The following PATJ variants were observed in gnomAD, a reference collection of about 807,000 sequenced individuals.
The protein encoded by PATJ is PATJ crumbs cell polarity complex component.
A neutral mutation model predicts 224.9 loss-of-function variants in PATJ; 190 were observed. The ratio of observed to expected loss-of-function variants is 0.84; its 90% CI spans 0.75 to 0.95. PATJ has a LOEUF of 0.95. Ranked by LOEUF, PATJ falls within the 40% of genes least tolerant of loss-of-function variation. PATJ has a pLI of 0.00. For missense variants in PATJ, 2,121 were observed against 2,270.3 expected, an observed-to-expected ratio of 0.93 and a Z score of 1.34; for synonymous variants, 769 against 820.3, an observed-to-expected ratio of 0.94 and a Z score of 1.07.
At chr1:61,796,177 A>C (rs1228403946) in intron 10 of PATJ, among the ~76,000 whole-genome samples, 1 of 152,202 alleles carries the variant, frequency 6.6e-6, no homozygotes, top group Non-Finnish European at 1.5e-5. Context: ...CTAAGAAAGC[A>C]CATTTCATGA....
intron 28 of PATJ, among the ~76,000 whole-genome samples, chr1:62,003,711 T>A (rs533327412): frequency 1.3e-5 from 2 of 152,216 alleles, no homozygotes; most frequent in African/African-American, 4.8e-5. Context: ...GAAATTGTGT[T>A]TCACCTGAGT....
chr1:62,031,883 G>A (rs1649375477), intron 29 of PATJ, among the ~76,000 whole-genome samples: 1 of 152,120 alleles, frequency 6.6e-6, no homozygotes, highest in Admixed American at 6.5e-5. Flanking sequence ...TGTATGTAAA[G>A]GATTTTGAAC....
intron 14 of PATJ, among the ~76,000 whole-genome samples, chr1:61,816,124 A>G (rs765931062): frequency 2.0e-5 from 3 of 152,168 alleles, no homozygotes; most frequent in Non-Finnish European, 4.4e-5. Flanking sequence ...TGACCTGGAG[A>G]ACATTAAAAT....
intron 31 of PATJ, among the ~76,000 whole-genome samples, chr1:62,053,597 T>A (rs2148602243): frequency 6.6e-6 from 1 of 152,240 alleles, no homozygotes; most frequent in African/African-American, 2.4e-5. Flanking sequence ...CGCATGCCTG[T>A]AATCCCAGCT....
chr1:62,096,677 G>A (rs556073463), intron 33 of PATJ, among the ~76,000 whole-genome samples: 81 of 152,130 alleles, frequency 5.3e-4, no homozygotes, highest in Admixed American at 2.9e-3. Flanking sequence ...GTGCAATGGC[G>A]CGATCTCAGC....
intron 42 of PATJ, among the ~76,000 whole-genome samples, chr1:62,150,825 G>C (rs1668554712): frequency 6.8e-6 from 1 of 147,270 alleles, no homozygotes; most frequent in Non-Finnish European, 1.5e-5. Context: ...ATAAAAAAAT[G>C]TAAAGACAAA....
intron 27 of PATJ, among the ~76,000 whole-genome samples, chr1:61,954,752 AT>A (rs373997284): frequency 8.9e-6 from 1 of 112,310 alleles, no homozygotes; most frequent in Non-Finnish European, 1.8e-5. Context: ...GCCAAACTCT[AT>A]TGTTTTTTTT....
chr1:61,952,472 T>C, intron 27 of PATJ: 1 of 716,510 alleles, frequency 1.4e-6, no homozygotes, highest in Non-Finnish European at 2.6e-6. Flanking sequence ...GATGCTGTTT[T>C]AGTGTTGGTG....
intron 32 of PATJ, among the ~76,000 whole-genome samples, chr1:62,083,701 T>A (rs1266495103): frequency 6.6e-6 from 1 of 152,190 alleles, no homozygotes; most frequent in Non-Finnish European, 1.5e-5. Flanking sequence ...TGTAATATAT[T>A]TGGGGATAAA....
intron 31 of PATJ, among the ~76,000 whole-genome samples, chr1:62,069,139 C>T (rs1275383829): frequency 6.6e-6 from 1 of 152,162 alleles, no homozygotes; most frequent in African/African-American, 2.4e-5. Context: ...GATATTGGAT[C>T]TAAAAACGGA....
At chr1:61,828,258 A>AAG (rs1658647868) in intron 16 of PATJ, among the ~76,000 whole-genome samples, 2 of 151,642 alleles carry the variant, frequency 1.3e-5, no homozygotes, top group Admixed American at 6.6e-5. Context: ...AAAAAAAAAA[A>AAG]GAAACTCTAT....
chr1:61,791,855 A>T (rs1009515995), intron 9 of PATJ, among the ~76,000 whole-genome samples: 1 of 152,208 alleles, frequency 6.6e-6, no homozygotes, highest in African/African-American at 2.4e-5. Context: ...AAGTTAAAAC[A>T]AGCATTTTCA....
chr1:61,883,182 T>C (rs1157897405), intron 21 of PATJ, among the ~76,000 whole-genome samples: 1 of 152,214 alleles, frequency 6.6e-6, no homozygotes. Flanking sequence ...AATTGTATAA[T>C]ATGCTACCGA....
chr1:62,015,840 G>T (rs137987338), intron 28 of PATJ, among the ~76,000 whole-genome samples: 2,675 of 152,196 alleles, frequency 0.018, 84 homozygotes, highest in Admixed American at 0.078. Context: ...GCTAACTTTT[G>T]TATTTTTTAG....
chr1:62,061,219 T>C lies in PATJ; in HGVS notation c.4125+10161T>C, dbSNP rs139428052. Reference sequence around the variant, plus strand: ...TTATTAAGATTGAGTTTCACTCTTGTCACCCAGGCTGGAGTACAGTAGTGC... The same window carrying C: ...TTATTAAGATTGAGTTTCACTCTTGCCACCCAGGCTGGAGTACAGTAGTGC... On this transcript the variant is annotated intron_variant, in intron 31 of 43. Coordinates refer to ENST00000642238, the MANE Select transcript of PATJ (RefSeq NM_001350145.3). Among the ~76,000 whole-genome samples the C allele has an allele frequency of 3.9e-5, 6 of 152,232 alleles. No homozygotes were observed. In the East Asian group the frequency reaches 1.2e-3, roughly 29 times the overall value.
intron 29 of PATJ, among the ~76,000 whole-genome samples, chr1:62,020,148 C>A (rs774601678): frequency 6.6e-6 from 1 of 151,486 alleles, no homozygotes; most frequent in Admixed American, 6.6e-5. Flanking sequence ...TCAGCTTGGG[C>A]GACAGCAAGA....
At chr1:61,914,443 C>T (rs61770464) in intron 25 of PATJ, 144 bp from the exon 26 acceptor site, 6,268 of 437,382 alleles carry the variant, frequency 0.014, 70 homozygotes, top group Non-Finnish European at 0.02. Context: ...GTGACAAGAG[C>T]GAATCTCCAT....
At chr1:62,007,084 A>G (rs1346926713) in intron 28 of PATJ, among the ~76,000 whole-genome samples, 2 of 152,228 alleles carry the variant, frequency 1.3e-5, no homozygotes, top group Admixed American at 6.5e-5. Context: ...TATGTGGTCC[A>G]TCCTTGACTG....
At chr1:61,767,881 T>G (rs1646376522) in intron 4 of PATJ, among the ~76,000 whole-genome samples, 1 of 151,736 alleles carries the variant, frequency 6.6e-6, no homozygotes, top group African/African-American at 2.4e-5. Flanking sequence ...TTCACCATGT[T>G]GGCCATGATA....
Sources: allele counts gnomAD v4.1 joint callset (sites outside exome capture counted in the v4.1 genomes callset), GRCh38; gene constraint gnomAD v4.1.1; transcripts MANE v1.5; gene names NCBI Gene and HGNC (gene_info 2026-07-23, HGNC 2026-07-21).